Variants in TBC1D8 observed in about 807,000 individuals in gnomAD.
The protein encoded by TBC1D8 is BUB2-like protein 1.
TBC1D8 carries 65 observed loss-of-function variants against 118.8 expected under a neutral mutation model. The observed-to-expected ratio is 0.55, with a 90% CI of 0.45 to 0.67. The LOEUF (loss-of-function observed/expected upper bound fraction) is 0.67. Ranked by LOEUF, TBC1D8 falls within the 30% of genes least tolerant of loss-of-function variation. The probability of loss-of-function intolerance (pLI) is 0.00; values close to 1 mark genes in which losing one functional copy is unlikely to be tolerated. For synonymous variants in TBC1D8, 566 were observed against 595.8 expected (o/e 0.95, Z 0.73); for missense variants, 1,376 against 1,471.2 (o/e 0.94, Z 1.06).
intron 6 of TBC1D8, among the ~76,000 whole-genome samples, chr2:101,039,357 A>G (rs898727465): frequency 2.0e-5 from 3 of 152,236 alleles, no homozygotes; most frequent in Non-Finnish European, 4.4e-5. Context: ...GGAGACCACA[A>G]GGAGTAATCC....
chr2:101,015,133 CTGTACAGCA>C (rs1156825817), intron 17 of TBC1D8, among the ~76,000 whole-genome samples: 1 of 152,152 alleles, frequency 6.6e-6, no homozygotes, highest in Non-Finnish European at 1.5e-5. Context: ...GGCTACAAAC[CTGTACAGCA>C]TGTTACTGTC....
Position 101,033,681 on chromosome 2 carries a change from C to T in TBC1D8, c.1681G>A (p.Val561Ile). Residue 561 changes from valine (V) to isoleucine (I), a missense_variant, in exon 10 of 20, where the codon GTA (valine) becomes ATA (isoleucine). Physicochemically the swap from Val to Ile is conservative, Grantham distance 29. Transcript: ENST00000409318. The part of the protein sequence containing the change: ...VEESLGKCCL[V>I]TEEIERDLHR... The stretch of plus-strand genomic sequence containing the variant: ...AGGTCTCGTTCTATCTCCTCGGTTA[C>T]CAGGCAGCATTTCCCCAGGGACTCC... 1 of 1,613,936 alleles carries T rather than the reference C, an allele frequency of 6.2e-7. No homozygotes were observed. The highest frequency in any genetic ancestry group is 8.5e-7 in the Non-Finnish European group (1 of 1,179,876).
chr2:101,040,913 C>T (rs941019284), intron 5 of TBC1D8, among the ~76,000 whole-genome samples: 3 of 152,260 alleles, frequency 2.0e-5, no homozygotes, highest in African/African-American at 4.8e-5. Context: ...AGAGCAGACG[C>T]GCTGTCTCTG....
chr2:101,032,377 G>A lies in TBC1D8; in HGVS notation c.1827C>T (p.Asn609=). ...ACAGCAGCAGCACGGAGGTCAGGAT[G>A]TTCATGGACTGCTCGGGGGTCAAGG... ...NPKIGYCQSM[N]ILTSVLLLYT... is the part of the protein sequence containing the mutation. The change falls in exon 11 of 20, where the codon AAC becomes AAT. Residue 609 remains asparagine, a synonymous_variant. Coordinates refer to ENST00000409318, the MANE Select transcript of TBC1D8 (RefSeq NM_001330348.2). 3 of 1,613,620 alleles carry A rather than the reference G, an allele frequency of 1.9e-6. No individual in the cohort carries two copies. Among genetic ancestry groups the A allele is most frequent in the Non-Finnish European group, 2.5e-6 (3 of 1,179,574 alleles).
At position 101,028,125 on chromosome 2, in the gene TBC1D8, C is replaced by G; in HGVS notation, c.2374G>C (p.Glu792Gln). 6.2e-7 allele frequency: 1 copy of G among 1,613,908 alleles called. No homozygotes were observed. The highest frequency in any genetic ancestry group is 8.5e-7 in the Non-Finnish European group (1 of 1,179,892). ...SYEKFGDQSVEQIEHLRYKHR... is the reference protein window; with the variant it reads ...SYEKFGDQSVQQIEHLRYKHR... ...TTGTAACGTAGGTGCTCGATCTGCT[C>G]CACAGACTGGTCTCCAAATTTCTGC... Residue 792 changes from glutamate (E) to glutamine (Q), a missense_variant, in exon 14 of 20, where the codon GAG (glutamate) becomes CAG (glutamine). Transcript: ENST00000409318.
chr2:101,089,792 A>T (rs1675895036), intron 2 of TBC1D8, among the ~76,000 whole-genome samples: 1 of 152,144 alleles, frequency 6.6e-6, no homozygotes, highest in Non-Finnish European at 1.5e-5. Context: ...GTAAGTCAGA[A>T]ACAAGATTAA....
At chr2:101,128,636 C>T (rs917573120) in intron 1 of TBC1D8, among the ~76,000 whole-genome samples, 18 of 152,200 alleles carry the variant, frequency 1.2e-4, no homozygotes, top group African/African-American at 4.3e-4. Flanking sequence ...AATATTTGTA[C>T]ACCTGTTTTC....
At chr2:101,118,497 C>G (rs928898075) in intron 1 of TBC1D8, among the ~76,000 whole-genome samples, 2 of 151,518 alleles carry the variant, frequency 1.3e-5, no homozygotes, top group Non-Finnish European at 2.9e-5. Context: ...GAGATCGAGA[C>G]CATCCTGGCT....
intron 17 of TBC1D8, among the ~76,000 whole-genome samples, chr2:101,014,484 A>T (rs1029944006): frequency 6.6e-6 from 1 of 152,200 alleles, no homozygotes; most frequent in East Asian, 1.9e-4. Flanking sequence ...TCATCAACAC[A>T]TCATCCCTTT....
At chr2:101,095,560 T>C (rs968503641) in intron 1 of TBC1D8, among the ~76,000 whole-genome samples, 12 of 152,096 alleles carry the variant, frequency 7.9e-5, no homozygotes, top group African/African-American at 2.9e-4. Flanking sequence ...GTTTCATCCA[T>C]GTCCCTACAA....
At position 101,050,382 on chromosome 2, in the gene TBC1D8, C is replaced by T. The variant is rs115236781; in HGVS notation, c.872+19G>A. 2,266 of 1,610,802 alleles carry T rather than the reference C, an allele frequency of 1.4e-3. 39 individuals carry two copies. In the African/African-American group the frequency reaches 0.028, roughly 20 times the overall value. On this transcript the variant is annotated intron_variant, in intron 5 of 19. Coordinates refer to ENST00000409318, the MANE Select transcript of TBC1D8 (RefSeq NM_001330348.2). Reference sequence around the variant, plus strand: ...GTCCCCCGTGCGGGTGGGAGACACTCTAGAACAGTCACTTTCACCTCTTGG... The same window carrying T: ...GTCCCCCGTGCGGGTGGGAGACACTTTAGAACAGTCACTTTCACCTCTTGG...
intron 2 of TBC1D8, among the ~76,000 whole-genome samples, chr2:101,072,671 G>A (rs1343992964): frequency 6.6e-6 from 1 of 152,128 alleles, no homozygotes; most frequent in Non-Finnish European, 1.5e-5. Flanking sequence ...GTTCACAATA[G>A]GGGGTCACAC....
intron 5 of TBC1D8, among the ~76,000 whole-genome samples, chr2:101,041,296 T>C (rs1438958086): frequency 6.6e-6 from 1 of 152,216 alleles, no homozygotes; most frequent in Non-Finnish European, 1.5e-5. Flanking sequence ...GTCCATTAAC[T>C]GATAAGTGGA....
intron 2 of TBC1D8, among the ~76,000 whole-genome samples, chr2:101,085,407 A>C (rs184711915): frequency 2.6e-4 from 40 of 152,222 alleles, no homozygotes; most frequent in African/African-American, 9.2e-4. Context: ...AAAAATACTC[A>C]TATCAAAAGC....
At chr2:101,027,550 G>A in intron 14 of TBC1D8, 99 bp from the exon 15 acceptor site, 1 of 1,018,894 alleles carries the variant, frequency 9.8e-7, no homozygotes, top group South Asian at 1.3e-5. Context: ...GACACAAGGA[G>A]CCCATGCACC....
At chr2:101,008,401 T>C in intron 19 of TBC1D8, 128 bp from the exon 20 acceptor site, 1 of 758,750 alleles carries the variant, frequency 1.3e-6, no homozygotes, top group Non-Finnish European at 2.0e-6. Flanking sequence ...TAAGAAAAGG[T>C]AGTCTCTGCC....
intron 2 of TBC1D8, among the ~76,000 whole-genome samples, chr2:101,081,567 C>A (rs1272389407): frequency 6.6e-6 from 1 of 152,102 alleles, no homozygotes; most frequent in African/African-American, 2.4e-5. Flanking sequence ...CTGAAGTGGG[C>A]CCCCTGGGAC....
At chr2:101,107,587 G>GA (rs1266637306) in intron 1 of TBC1D8, among the ~76,000 whole-genome samples, 2 of 152,062 alleles carry the variant, frequency 1.3e-5, no homozygotes, top group Non-Finnish European at 2.9e-5. Flanking sequence ...GCTCTATCAG[G>GA]AAAAAAATTC....
intron 1 of TBC1D8, among the ~76,000 whole-genome samples, chr2:101,099,588 T>A (rs1388378061): frequency 6.6e-6 from 1 of 152,214 alleles, no homozygotes; most frequent in Non-Finnish European, 1.5e-5. Context: ...ATATCCCTGA[T>A]GAGCATCGAT....
Sources: allele counts gnomAD v4.1 joint callset (sites outside exome capture counted in the v4.1 genomes callset), GRCh38; gene constraint gnomAD v4.1.1; transcripts MANE v1.5; gene names NCBI Gene and HGNC (gene_info 2026-07-23, HGNC 2026-07-21).